The following NRXN3 variants were observed in gnomAD, a reference collection of about 807,000 sequenced individuals.
NRXN3 encodes neurexin III.
A neutral mutation model predicts 137.6 loss-of-function variants in NRXN3; 32 were observed. The observed-to-expected ratio is 0.23, with a 90% CI of 0.18 to 0.31. The LOEUF (loss-of-function observed/expected upper bound fraction) is 0.31, where lower values mean the gene tolerates loss of function less well. NRXN3 is among the 10% of genes least tolerant of loss of function. The probability of loss-of-function intolerance (pLI) is 1.00; values close to 1 mark genes in which losing one functional copy is unlikely to be tolerated. For missense variants in NRXN3, 1,574 were observed against 2,062.5 expected (o/e 0.76, Z 4.59); for synonymous variants, 798 against 784.5 (o/e 1.02, Z -0.29).
intron 13 of NRXN3, 107 bp from the exon 14 acceptor site, chr14:78,968,062 CCCCA>C (rs1238709305): frequency 1.9e-5 from 2 of 102,838 alleles, no homozygotes; most frequent in Non-Finnish European, 4.4e-5. Flanking sequence ...CCCCCCCCCC[CCCCA>C]GCTATCTTAT....
At chr14:79,764,343 A>G (rs1378839776) in intron 19 of NRXN3, among the ~76,000 whole-genome samples, 1 of 152,222 alleles carries the variant, frequency 6.6e-6, no homozygotes, top group Non-Finnish European at 1.5e-5. Flanking sequence ...GATTTTCCCC[A>G]AAGAGTGACT....
chr14:79,107,461 C>G (rs1247405824), intron 15 of NRXN3, among the ~76,000 whole-genome samples: 3 of 152,078 alleles, frequency 2.0e-5, no homozygotes, highest in Non-Finnish European at 4.4e-5. Context: ...AGATATAATT[C>G]CAAAAGCTAT....
In NRXN3 at chr14:79,142,455, G is replaced by A. The variant is rs139101735; in HGVS notation, c.3262+154314G>A. Among the ~76,000 whole-genome samples, 532 of 152,054 alleles carry A rather than the reference G, an allele frequency of 3.5e-3. 2 individuals are homozygous for A. Among genetic ancestry groups the A allele is most frequent in the African/African-American group, 0.012 (504 of 41,458 alleles). On this transcript the variant is annotated intron_variant, in intron 15 of 20. Transcript: ENST00000335750. The stretch of plus-strand genomic sequence containing the variant: ...AAAAAAAAGTAAAGGGCAGACAGAA[G>A]CTGGAGATAGAGTGACCCCTGTCAG...
chr14:78,275,323 G>A (rs1200385969), intron 2 of NRXN3, among the ~76,000 whole-genome samples: 1 of 152,126 alleles, frequency 6.6e-6, no homozygotes, highest in African/African-American at 2.4e-5. Context: ...TAGATGCTCG[G>A]CCAATAGGTA....
intron 1 of NRXN3, among the ~76,000 whole-genome samples, chr14:78,225,465 A>T (rs1486168859): frequency 1.3e-5 from 2 of 149,802 alleles, no homozygotes; most frequent in Non-Finnish European, 3.0e-5. Context: ...TTTTCTTGTA[A>T]ATTTGTTTGA....
chr14:78,918,621 G>A (rs924620951), intron 10 of NRXN3, among the ~76,000 whole-genome samples: 2 of 152,144 alleles, frequency 1.3e-5, no homozygotes, highest in South Asian at 2.1e-4. Context: ...TCAGAATTGA[G>A]CTGATCCATA....
chr14:78,225,248 C>T (rs1191738435), intron 1 of NRXN3, among the ~76,000 whole-genome samples: 2 of 152,136 alleles, frequency 1.3e-5, no homozygotes, highest in East Asian at 3.9e-4. Flanking sequence ...TCTCCACATC[C>T]TCTCCAGCAC....
intron 15 of NRXN3, among the ~76,000 whole-genome samples, chr14:79,232,261 CGT>C (rs372668876): frequency 4.6e-5 from 7 of 151,170 alleles, no homozygotes; most frequent in East Asian, 3.9e-4. Context: ...TGCGCGCGCA[CGT>C]GTGTGTGTGT....
At chr14:79,354,039 T>G (rs189105772) in intron 15 of NRXN3, among the ~76,000 whole-genome samples, 1 of 152,266 alleles carries the variant, frequency 6.6e-6, no homozygotes, top group Non-Finnish European at 1.5e-5. Flanking sequence ...TCAGGCTGAT[T>G]AAATTGCAAG....
At position 78,634,724 on chromosome 14, in the gene NRXN3, TAACCACTACCTG is replaced by T. The variant is rs145026800; in HGVS notation, c.758-10393_758-10382del. Reference sequence around the variant, plus strand: ...CATTTATTCTCTTCCTCCTCCAAAGTAACCACTACCTGAAGTTGATGGGGAGATTTTCTGTAT... The same window carrying T: ...CATTTATTCTCTTCCTCCTCCAAAGTAAGTTGATGGGGAGATTTTCTGTAT... On this transcript the variant is annotated intron_variant, in intron 4 of 20. Transcript: ENST00000335750. Among the ~76,000 whole-genome samples the T allele has an allele frequency of 8.6e-3, 1,308 of 152,296 alleles. 18 individuals are homozygous for T. The highest frequency in any genetic ancestry group is 0.028 in the African/African-American group (1,182 of 41,564).
At chr14:79,502,003 T>G (rs1181974214) in intron 16 of NRXN3, among the ~76,000 whole-genome samples, 2 of 152,212 alleles carry the variant, frequency 1.3e-5, no homozygotes, top group Non-Finnish European at 2.9e-5. Flanking sequence ...TGAGTGCAGA[T>G]CTGATTCTTA....
chr14:79,710,092 T>C (rs2098797549), intron 19 of NRXN3, among the ~76,000 whole-genome samples: 1 of 152,192 alleles, frequency 6.6e-6, no homozygotes, highest in African/African-American at 2.4e-5. Context: ...TTATTGTTGC[T>C]GTTGTTTTCC....
chr14:79,733,260 T>G (rs1352660273), intron 19 of NRXN3, among the ~76,000 whole-genome samples: 1 of 152,148 alleles, frequency 6.6e-6, no homozygotes, highest in African/African-American at 2.4e-5. Flanking sequence ...AATTGCACAG[T>G]AAAAAATAAA....
chr14:78,291,443 A>G (rs1203687450), intron 3 of NRXN3, among the ~76,000 whole-genome samples: 1 of 152,212 alleles, frequency 6.6e-6, no homozygotes, highest in Non-Finnish European at 1.5e-5. Flanking sequence ...AAATGCTAAG[A>G]TGTGTATTTC....
chr14:79,576,037 TG>T lies in NRXN3; in HGVS notation c.3445-87740del, dbSNP rs112042942. Among the ~76,000 whole-genome samples the T allele has an allele frequency of 8.2e-4, 125 of 152,342 alleles. No individual in the cohort carries two copies. In the Middle Eastern group the frequency reaches 0.017, roughly 21 times the overall value. On this transcript the variant is annotated intron_variant, in intron 16 of 20. Coordinates refer to ENST00000335750, the MANE Select transcript of NRXN3 (RefSeq NM_001330195.2). ...CTGCCAAAATGGTATTCTTCTTATC[TG>T]TGCTGATTTCAAGGGGTGTGCAAAA...
chr14:79,685,128 G>A (rs1310350939), intron 17 of NRXN3, among the ~76,000 whole-genome samples: 5 of 152,084 alleles, frequency 3.3e-5, no homozygotes, highest in Admixed American at 6.6e-5. Flanking sequence ...TGTGGAGTTT[G>A]CCTTCTTTTT....
At chr14:79,382,807 A>G (rs1419605009) in intron 15 of NRXN3, among the ~76,000 whole-genome samples, 2 of 152,154 alleles carry the variant, frequency 1.3e-5, no homozygotes, top group East Asian at 3.9e-4. Context: ...ACAAGCATCA[A>G]TATTTACAAA....
intron 2 of NRXN3, among the ~76,000 whole-genome samples, chr14:78,255,123 C>T (rs138895604): frequency 2.6e-3 from 382 of 149,334 alleles, no homozygotes; most frequent in African/African-American, 7.4e-3. Flanking sequence ...TAGTCTTGGC[C>T]GTCAGCCATC....
At chr14:79,012,832 G>A (rs758987706) in intron 15 of NRXN3, among the ~76,000 whole-genome samples, 1 of 152,158 alleles carries the variant, frequency 6.6e-6, no homozygotes, top group Non-Finnish European at 1.5e-5. Flanking sequence ...ATTAAGGATT[G>A]CTTGTCACTT....
Sources: allele counts gnomAD v4.1 joint callset (sites outside exome capture counted in the v4.1 genomes callset), GRCh38; gene constraint gnomAD v4.1.1; transcripts MANE v1.5; gene names NCBI Gene and HGNC (gene_info 2026-07-23, HGNC 2026-07-21).